FOXN2: variants seen among roughly 807,000 people sequenced by gnomAD.
FOXN2 encodes the protein forkhead box N2, also known as forkhead box protein N2.
In FOXN2, 19 loss-of-function variants were observed where a neutral mutation model predicts 41.2. That is an observed-to-expected ratio of 0.46 (90% CI 0.32 to 0.68). The LOEUF is 0.68. FOXN2 is among the 30% of genes least tolerant of loss of function. The pLI is 0.03. For missense variants in FOXN2, 587 were observed against 509.4 expected (o/e 1.15, Z -1.47); for synonymous variants, 195 against 176.8 (o/e 1.10, Z -0.82).
chr2:48,329,066 G>A (rs1028651849), intron 2 of FOXN2, among the ~76,000 whole-genome samples: 11 of 152,222 alleles, frequency 7.2e-5, no homozygotes, highest in African/African-American at 2.6e-4. Flanking sequence ...AAACGGAGGA[G>A]GATTGTGTAC....
chr2:48,314,954 G>C (rs1313856684), intron 1 of FOXN2, 140 bp downstream of exon 1: 3 of 152,056 alleles, frequency 2.0e-5, no homozygotes, highest in Non-Finnish European at 4.4e-5. Flanking sequence ...GACGCGCCCG[G>C]ACATTTTTGT....
chr2:48,318,433 CAG>C (rs1393827200), intron 1 of FOXN2, among the ~76,000 whole-genome samples: 1 of 152,068 alleles, frequency 6.6e-6, no homozygotes, highest in Non-Finnish European at 1.5e-5. Context: ...AGGAAGATAA[CAG>C]AGATGAATTG....
intron 2 of FOXN2, among the ~76,000 whole-genome samples, chr2:48,331,048 A>T (rs944616180): frequency 6.6e-6 from 1 of 151,802 alleles, no homozygotes; most frequent in African/African-American, 2.4e-5. Context: ...GTTCTTTTTC[A>T]CTCCATGTAG....
chr2:48,314,974 A>C (rs1263165360), intron 1 of FOXN2, among the ~76,000 whole-genome samples, 160 bp downstream of exon 1: 1 of 151,654 alleles, frequency 6.6e-6, no homozygotes, highest in Non-Finnish European at 1.5e-5. Context: ...TCCAGTGAGG[A>C]ATTTGCGCCG....
At chr2:48,338,600 C>T (rs918170270) in intron 2 of FOXN2, among the ~76,000 whole-genome samples, 3 of 152,014 alleles carry the variant, frequency 2.0e-5, no homozygotes, top group Non-Finnish European at 4.4e-5. Flanking sequence ...GGGGTTTCAC[C>T]GTGCTAGTCA....
At chr2:48,364,644 CTT>C (rs905103831) in intron 5 of FOXN2, among the ~76,000 whole-genome samples, 19 of 152,322 alleles carry the variant, frequency 1.2e-4, no homozygotes, top group African/African-American at 4.6e-4. Flanking sequence ...TCAGGTCTAT[CTT>C]AGACTAGAAA....
intron 5 of FOXN2, among the ~76,000 whole-genome samples, chr2:48,370,506 C>T (rs1672820354): frequency 1.3e-5 from 2 of 152,170 alleles, no homozygotes; most frequent in South Asian, 4.1e-4. Context: ...ATTTCTCTGA[C>T]CTCTATATTT....
At position 48,344,040 on chromosome 2, in the gene FOXN2, C is replaced by T. The variant is rs551451764; in HGVS notation, c.-14-2161C>T. Among the ~76,000 whole-genome samples the T allele has an allele frequency of 3.8e-4, 58 of 152,236 alleles. No individual in the cohort carries two copies. In the South Asian group the frequency reaches 0.012, roughly 31 times the overall value. On this transcript the variant is annotated intron_variant, in intron 2 of 6. Transcript: ENST00000340553. ...CCCTTCTTTAACTGAACACTGGGTACACTAAAGAGTGGTTTTTTGTTTGTT... is the reference window on the plus strand; with the variant it reads ...CCCTTCTTTAACTGAACACTGGGTATACTAAAGAGTGGTTTTTTGTTTGTT...
intron 3 of FOXN2, among the ~76,000 whole-genome samples, chr2:48,351,949 A>G (rs1222114463): frequency 1.3e-5 from 2 of 152,238 alleles, no homozygotes; most frequent in Non-Finnish European, 2.9e-5. Flanking sequence ...AGTTTGGGGC[A>G]GTAGGCATAT....
intron 2 of FOXN2, among the ~76,000 whole-genome samples, chr2:48,339,343 C>G (rs1057084038): frequency 1.3e-5 from 2 of 152,146 alleles, no homozygotes; most frequent in Non-Finnish European, 2.9e-5. Context: ...GGGGTGGTCC[C>G]TTCAAGCTGT....
intron 3 of FOXN2, among the ~76,000 whole-genome samples, chr2:48,352,788 C>T (rs997799264): frequency 2.0e-4 from 31 of 152,082 alleles, no homozygotes; most frequent in Admixed American, 8.5e-4. Flanking sequence ...TGATGAACTT[C>T]CTTATTTTAT....
At chr2:48,352,499 A>G (rs1401183564) in intron 3 of FOXN2, among the ~76,000 whole-genome samples, 1 of 152,114 alleles carries the variant, frequency 6.6e-6, no homozygotes, top group Non-Finnish European at 1.5e-5. Context: ...TTGTTGATTT[A>G]GTATTTTCTT....
intron 5 of FOXN2, 134 bp from the exon 6 acceptor site, chr2:48,373,158 G>T: frequency 1.7e-6 from 1 of 590,480 alleles, no homozygotes. Flanking sequence ...TCTCATTTTT[G>T]TTTGATGTGC....
chr2:48,365,091 A>G (rs1672448040), intron 5 of FOXN2, among the ~76,000 whole-genome samples: 1 of 152,184 alleles, frequency 6.6e-6, no homozygotes, highest in Non-Finnish European at 1.5e-5. Flanking sequence ...GCCTGGAGAC[A>G]TTTTCATAAC....
At chr2:48,315,947 G>A (rs987253224) in intron 1 of FOXN2, among the ~76,000 whole-genome samples, 3 of 152,224 alleles carry the variant, frequency 2.0e-5, no homozygotes, top group African/African-American at 4.8e-5. Flanking sequence ...CAACTCCGAG[G>A]TGAGGGGAGG....
At chr2:48,334,172 T>A (rs1670192603) in intron 2 of FOXN2, among the ~76,000 whole-genome samples, 1 of 152,206 alleles carries the variant, frequency 6.6e-6, no homozygotes, top group African/African-American at 2.4e-5. Flanking sequence ...CAACTATAGT[T>A]CTTAAGGCAG....
At chr2:48,333,881 G>T (rs1466374944) in intron 2 of FOXN2, among the ~76,000 whole-genome samples, 1 of 151,820 alleles carries the variant, frequency 6.6e-6, no homozygotes, top group African/African-American at 2.4e-5. Context: ...ACTTCACTAG[G>T]ATGTGAGGTG....
At position 48,346,343 on chromosome 2, in the gene FOXN2, G is replaced by A. The variant is rs577301382; in HGVS notation, c.129G>A (p.Lys43=). The A allele has an allele frequency of 8.1e-6, 13 of 1,614,180 alleles. No homozygotes were observed. Among genetic ancestry groups the A allele is most frequent in the African/African-American group, 6.7e-5 (5 of 75,050 alleles). Residue 43 remains lysine (K), a synonymous_variant, in exon 3 of 7, where the codon AAG becomes AAA. Transcript: ENST00000340553. ...LPEAVDAARP[K]ATLVDSESAD... ...AAGCTGTTGATGCTGCCAGGCCGAAGGCCACTCTAGTGGACAGTGAGTCAG... is the reference window on the plus strand; with the variant it reads ...AAGCTGTTGATGCTGCCAGGCCGAAAGCCACTCTAGTGGACAGTGAGTCAG...
In FOXN2 at chr2:48,377,848, T is replaced by C. The variant is rs1673347400; in HGVS notation, c.*2405T>C. 1 of 152,094 alleles carries C rather than the reference T, an allele frequency of 6.6e-6. No individual in the cohort carries two copies. The highest frequency in any genetic ancestry group is 2.4e-5 in the African/African-American group (1 of 41,458). 9.4% of individuals were successfully genotyped at this position (152,094 alleles called of 1,614,324 possible). A position where few individuals can be genotyped will look rare whatever the true frequency, so the allele number is the denominator to read the frequency against. ...CCATTTACTACTTCCACTGAGAGTATGCTCTCATTCCTCAGGTGTTTTGAG... is the reference window on the plus strand; with the variant it reads ...CCATTTACTACTTCCACTGAGAGTACGCTCTCATTCCTCAGGTGTTTTGAG... On this transcript the variant is annotated 3_prime_UTR_variant, in exon 7 of 7. Coordinates refer to ENST00000340553, the MANE Select transcript of FOXN2 (RefSeq NM_002158.4).
Sources: allele counts gnomAD v4.1 joint callset (sites outside exome capture counted in the v4.1 genomes callset), GRCh38; gene constraint gnomAD v4.1.1; transcripts MANE v1.5; gene names NCBI Gene and HGNC (gene_info 2026-07-23, HGNC 2026-07-21).